The following KLHL7 variants were observed in gnomAD, a reference collection of about 807,000 sequenced individuals.
The protein encoded by KLHL7 is kelch-like protein 7.
A neutral mutation model predicts 67.4 loss-of-function variants in KLHL7; 44 were observed. The ratio of observed to expected loss-of-function variants is 0.65; its 90% CI spans 0.51 to 0.84. KLHL7 has a LOEUF of 0.84. Among genes scored for constraint, KLHL7 ranks in the 40% least tolerant of loss-of-function variants. The probability of loss-of-function intolerance (pLI) is 0.00; values close to 1 mark genes in which losing one functional copy is unlikely to be tolerated. For synonymous variants in KLHL7, 252 were observed against 243.3 expected (o/e 1.04, Z -0.33); for missense variants, 362 against 718.1 (o/e 0.50, Z 5.67).
intron 7 of KLHL7, among the ~76,000 whole-genome samples, chr7:23,160,821 A>G (rs930654671): frequency 6.6e-6 from 1 of 152,248 alleles, no homozygotes; most frequent in Non-Finnish European, 1.5e-5. Flanking sequence ...AAATATGTAT[A>G]CATCCTATGG....
In KLHL7 at chr7:23,148,489, C is replaced by T. The variant is rs568655733; in HGVS notation, c.794-3578C>T. 4.0e-5 allele frequency among the ~76,000 whole-genome samples: 6 copies of T among 151,428 alleles called. No individual in the cohort carries two copies. In the East Asian group the frequency reaches 5.8e-4, roughly 15 times the overall value. Reference sequence around the variant, plus strand: ...ATAAGAGAGTGTTTAGAAGATAGAACGTACATGGCCACTTGTCTCTTTAAA... The same window carrying T: ...ATAAGAGAGTGTTTAGAAGATAGAATGTACATGGCCACTTGTCTCTTTAAA... On this transcript the variant is annotated intron_variant, in intron 6 of 10. Coordinates refer to ENST00000339077, the MANE Select transcript of KLHL7 (RefSeq NM_001031710.3).
chr7:23,153,792 T>C (rs1254275269), intron 7 of KLHL7, among the ~76,000 whole-genome samples: 2 of 152,224 alleles, frequency 1.3e-5, no homozygotes, highest in African/African-American at 4.8e-5. Context: ...CTACTCTAGA[T>C]TTTACTTGTA....
chr7:23,128,135 G>GAAA (rs5882884), intron 4 of KLHL7, among the ~76,000 whole-genome samples: 5 of 134,258 alleles, frequency 3.7e-5, no homozygotes, highest in East Asian at 2.2e-4. Flanking sequence ...TCTGTCTCAA[G>GAAA]AAAAAAAAAA....
intron 4 of KLHL7, among the ~76,000 whole-genome samples, chr7:23,130,704 G>C (rs1349550863): frequency 6.6e-6 from 1 of 152,108 alleles, no homozygotes; most frequent in Non-Finnish European, 1.5e-5. Flanking sequence ...AGAAATGTAT[G>C]TTTTAAGATC....
chr7:23,139,017 G>A (rs1784085465), intron 4 of KLHL7, among the ~76,000 whole-genome samples: 1 of 151,302 alleles, frequency 6.6e-6, no homozygotes, highest in South Asian at 2.1e-4. Flanking sequence ...AGAAAGTGTG[G>A]GCTTGTATAT....
chr7:23,163,758 T>G (rs1784919995), intron 7 of KLHL7, among the ~76,000 whole-genome samples: 1 of 152,172 alleles, frequency 6.6e-6, no homozygotes. Flanking sequence ...TAATGAGAGA[T>G]ATATCAAAAT....
chr7:23,125,261 C>A (rs1783525287), intron 4 of KLHL7, 89 bp downstream of exon 4: 8 of 1,330,122 alleles, frequency 6.0e-6, no homozygotes, highest in African/African-American at 1.5e-5. Context: ...TTTTAAGTAT[C>A]CGCATTTAAC....
chr7:23,136,060 C>A (rs956150374), intron 4 of KLHL7, among the ~76,000 whole-genome samples: 4 of 152,248 alleles, frequency 2.6e-5, no homozygotes. Flanking sequence ...TCTTCTGCTG[C>A]CATGAGAAGA....
intron 4 of KLHL7, among the ~76,000 whole-genome samples, chr7:23,138,068 C>A (rs1784044594): frequency 6.6e-6 from 1 of 151,482 alleles, no homozygotes; most frequent in African/African-American, 2.4e-5. Flanking sequence ...CCCAGCTACT[C>A]AGGAGGCTGA....
intron 7 of KLHL7, chr7:23,156,112 T>C (rs1784698490): frequency 2.8e-6 from 1 of 362,726 alleles, no homozygotes; most frequent in East Asian, 8.7e-5. Flanking sequence ...TTTGAAAATT[T>C]ATGGGAAAAT....
intron 7 of KLHL7, among the ~76,000 whole-genome samples, chr7:23,159,669 C>T (rs1784806061): frequency 1.3e-5 from 2 of 152,056 alleles, no homozygotes; most frequent in African/African-American, 2.4e-5. Context: ...GTAGTTGGAA[C>T]TACAGGCACA....
chr7:23,130,323 C>A (rs534218371), intron 4 of KLHL7, among the ~76,000 whole-genome samples: 1 of 152,280 alleles, frequency 6.6e-6, no homozygotes, highest in South Asian at 2.1e-4. Flanking sequence ...TGTGAGACAT[C>A]ATATCTATAA....
chr7:23,159,373 T>TTA (rs1173793883), intron 7 of KLHL7, among the ~76,000 whole-genome samples: 1 of 152,212 alleles, frequency 6.6e-6, no homozygotes, highest in Non-Finnish European at 1.5e-5. Context: ...TCTCACTATG[T>TTA]TGCCCAGGCT....
In KLHL7 at chr7:23,174,259, C is replaced by T. The variant is rs529150741; in HGVS notation, c.1722C>T (p.Val574=). 1.2e-5 allele frequency: 19 copies of T among 1,613,996 alleles called. No individual in the cohort carries two copies. Among genetic ancestry groups the T allele is most frequent in the Admixed American group, 1.0e-4 (6 of 60,006 alleles). ...FPVTSCLICV[V]DTCGANEETL... is the part of the protein sequence containing the mutation. ...TCACAAGTTGTTTAATTTGTGTTGTCGATACTTGTGGAGCAAATGAAGAGA... is the reference window on the plus strand; with the variant it reads ...TCACAAGTTGTTTAATTTGTGTTGTTGATACTTGTGGAGCAAATGAAGAGA... The change falls in exon 11 of 11, where the codon GTC becomes GTT. Residue 574 remains valine, a synonymous_variant. Transcript: ENST00000339077.
chr7:23,109,932 T>A (rs1387840345), intron 1 of KLHL7, among the ~76,000 whole-genome samples: 1 of 152,238 alleles, frequency 6.6e-6, no homozygotes, highest in East Asian at 1.9e-4. Context: ...GTCACTCCAC[T>A]GTCTCTCCAG....
chr7:23,112,213 G>C lies in KLHL7; in HGVS notation c.120+6067G>C, dbSNP rs1033155571. Among the ~76,000 whole-genome samples, 16 of 152,276 alleles carry C rather than the reference G, an allele frequency of 1.1e-4. No individual in the cohort carries two copies. In the South Asian group the frequency reaches 2.9e-3, roughly 28 times the overall value. On this transcript the variant is annotated intron_variant, in intron 1 of 10. Transcript: ENST00000339077. ...CATAAGGTGTCACTTATGATCTCTA[G>C]GGTTCTGGAATGCATAACTAAATGG...
At chr7:23,114,853 C>G (rs1275133067) in intron 1 of KLHL7, among the ~76,000 whole-genome samples, 2 of 152,118 alleles carry the variant, frequency 1.3e-5, no homozygotes, top group Non-Finnish European at 2.9e-5. Flanking sequence ...CTGTGGTGAA[C>G]CAAATGACAG....
chr7:23,152,017 A>G (rs2178139), intron 6 of KLHL7, 50 bp from the exon 7 acceptor site: 567,023 of 1,584,548 alleles, frequency 0.36, 107,652 homozygotes, highest in African/African-American at 0.69. Context: ...TTTTCAAAGC[A>G]CTGGTTAGTG....
At position 23,154,402 on chromosome 7, in the gene KLHL7, G is replaced by A. The variant is rs188686342; in HGVS notation, c.936+2193G>A. Reference sequence around the variant, plus strand: ...AAGACTATTTACAAAACCAGCTAAGGGGGTGGATTTGGCCTTCAGGCCATA... The same window carrying A: ...AAGACTATTTACAAAACCAGCTAAGAGGGTGGATTTGGCCTTCAGGCCATA... On this transcript the variant is annotated intron_variant, in intron 7 of 10. Coordinates refer to ENST00000339077, the MANE Select transcript of KLHL7 (RefSeq NM_001031710.3). Among the ~76,000 whole-genome samples the A allele has an allele frequency of 3.3e-3, 503 of 152,098 alleles. 1 individual carries two copies. Among genetic ancestry groups the A allele is most frequent in the Non-Finnish European group, 5.6e-3 (383 of 67,980 alleles).
Sources: allele counts gnomAD v4.1 joint callset (sites outside exome capture counted in the v4.1 genomes callset), GRCh38; gene constraint gnomAD v4.1.1; transcripts MANE v1.5; gene names NCBI Gene and HGNC (gene_info 2026-07-23, HGNC 2026-07-21).